The following LRRTM4 variants were observed in gnomAD, a reference collection of about 807,000 sequenced individuals.
LRRTM4 encodes leucine-rich repeat transmembrane neuronal protein 4.
LRRTM4 carries 25 observed loss-of-function variants against 47.6 expected under a neutral mutation model. That is an observed-to-expected ratio of 0.53 (90% confidence interval 0.38 to 0.73). The LOEUF (loss-of-function observed/expected upper bound fraction) is 0.73, where lower values mean the gene tolerates loss of function less well. LRRTM4 is among the 30% of genes least tolerant of loss of function. The pLI is 0.00. For synonymous variants in LRRTM4, 311 were observed against 269.5 expected (o/e 1.15, Z -1.51); for missense variants, 638 against 713.4 (o/e 0.89, Z 1.20).
chr2:76,985,560 G>A (rs775485707), intron 3 of LRRTM4, among the ~76,000 whole-genome samples: 5 of 151,942 alleles, frequency 3.3e-5, no homozygotes, highest in Non-Finnish European at 5.9e-5. Flanking sequence ...CTCCTCCTGA[G>A]ACTAAAGTTG....
chr2:76,882,790 T>G (rs1222572544), intron 3 of LRRTM4, among the ~76,000 whole-genome samples: 2 of 152,000 alleles, frequency 1.3e-5, no homozygotes, highest in Non-Finnish European at 2.9e-5. Context: ...GTCTCCACCA[T>G]CCACCAGGTC....
At chr2:77,454,591 T>A (rs771602867) in intron 3 of LRRTM4, among the ~76,000 whole-genome samples, 2 of 152,172 alleles carry the variant, frequency 1.3e-5, no homozygotes, top group Non-Finnish European at 2.9e-5. Context: ...TGTATATTCT[T>A]GGTGGATACT....
At chr2:77,366,941 C>T (rs1234888882) in intron 3 of LRRTM4, among the ~76,000 whole-genome samples, 2 of 151,816 alleles carry the variant, frequency 1.3e-5, no homozygotes, top group Non-Finnish European at 2.9e-5. Context: ...CGTCTTTCTA[C>T]TCTCCTTCAT....
At chr2:77,472,248 G>A (rs1677218425) in intron 3 of LRRTM4, among the ~76,000 whole-genome samples, 1 of 152,122 alleles carries the variant, frequency 6.6e-6, no homozygotes, top group Admixed American at 6.6e-5. Context: ...TGTGTGTTAG[G>A]TGATCTTCCT....
At chr2:76,931,116 TGAGA>T (rs1674754563) in intron 3 of LRRTM4, among the ~76,000 whole-genome samples, 3 of 151,852 alleles carry the variant, frequency 2.0e-5, no homozygotes, top group Admixed American at 2.0e-4. Context: ...ACAAAAGCAA[TGAGA>T]AAGAAAGAAA....
At chr2:77,217,820 T>C (rs919214223) in intron 3 of LRRTM4, among the ~76,000 whole-genome samples, 6 of 152,296 alleles carry the variant, frequency 3.9e-5, no homozygotes, top group Non-Finnish European at 8.8e-5. Flanking sequence ...ACTGAGAGCA[T>C]GGAACATTCA....
At chr2:77,009,613 A>G (rs1677793770) in intron 3 of LRRTM4, 1 of 152,160 alleles carries the variant, frequency 6.6e-6, no homozygotes, top group African/African-American at 2.4e-5. Context: ...AATAAAGCTA[A>G]GACTGTGGTA....
intron 3 of LRRTM4, among the ~76,000 whole-genome samples, chr2:77,483,906 CAG>C (rs1285157445): frequency 2.7e-4 from 41 of 152,268 alleles, no homozygotes; most frequent in African/African-American, 8.7e-4. Context: ...TATTTTGTAT[CAG>C]AGAGTCTATC....
chr2:76,944,933 G>A (rs1381418757), intron 3 of LRRTM4, among the ~76,000 whole-genome samples: 3 of 152,056 alleles, frequency 2.0e-5, no homozygotes, highest in Non-Finnish European at 2.9e-5. Context: ...GAAGGAAGAT[G>A]ACAGAGCTTC....
At chr2:77,168,765 A>T (rs938350172) in intron 3 of LRRTM4, among the ~76,000 whole-genome samples, 2 of 152,114 alleles carry the variant, frequency 1.3e-5, no homozygotes, top group African/African-American at 2.4e-5. Flanking sequence ...TAAACTTTTC[A>T]GTCCCCACGT....
intron 3 of LRRTM4, among the ~76,000 whole-genome samples, chr2:76,972,873 A>C (rs1363387024): frequency 6.6e-6 from 1 of 152,008 alleles, no homozygotes; most frequent in Non-Finnish European, 1.5e-5. Context: ...GAATTTCACC[A>C]AATGATATAA....
chr2:76,790,711 CACCTCAGTG>C (rs984087611), intron 3 of LRRTM4, among the ~76,000 whole-genome samples: 7 of 151,732 alleles, frequency 4.6e-5, no homozygotes, highest in African/African-American at 1.7e-4. Flanking sequence ...CCCCCCCCAC[CACCTCAGTG>C]AAATTTAACA....
At chr2:76,763,186 C>A (rs1327390755) in intron 3 of LRRTM4, among the ~76,000 whole-genome samples, 1 of 152,150 alleles carries the variant, frequency 6.6e-6, no homozygotes, top group Admixed American at 6.5e-5. Flanking sequence ...GGAAAAAAAA[C>A]AGTGCTCTCA....
rs1196937737 is a variant in LRRTM4, at chr2:76,968,362, A to G, written c.1552-219446T>C. The stretch of plus-strand genomic sequence containing the variant: ...TGTGTATATATATATATATATATAT[A>G]TATATATATATATATATATATACAC... On this transcript the variant is annotated intron_variant, in intron 3 of 3. Transcript: ENST00000409884. Among the ~76,000 whole-genome samples, 21 of 131,516 alleles carry G rather than the reference A, an allele frequency of 1.6e-4. 1 individual carries two copies. The highest frequency in any genetic ancestry group is 1.2e-3 in the Admixed American group (16 of 12,998). The allele number at this position is 131,516 out of a possible 152,430, so 86.3% of individuals were successfully genotyped here.
intron 3 of LRRTM4, among the ~76,000 whole-genome samples, chr2:77,291,837 T>G (rs142071799): frequency 0.14 from 21,182 of 151,904 alleles, 1,907 homozygotes; most frequent in East Asian, 0.43. Context: ...AAGCCAAAAT[T>G]GAAAACTGGG....
At chr2:77,351,171 A>G (rs1036482628) in intron 3 of LRRTM4, among the ~76,000 whole-genome samples, 13 of 152,120 alleles carry the variant, frequency 8.5e-5, no homozygotes, top group African/African-American at 2.9e-4. Flanking sequence ...AACATATAGT[A>G]TTTGGTTTTC....
chr2:77,272,550 TAA>T (rs758453010), intron 3 of LRRTM4, among the ~76,000 whole-genome samples: 2 of 152,164 alleles, frequency 1.3e-5, no homozygotes, highest in Non-Finnish European at 2.9e-5. Context: ...TTTTAAATAT[TAA>T]GTTTTATTTT....
At chr2:76,920,971 T>A (rs555966121) in intron 3 of LRRTM4, among the ~76,000 whole-genome samples, 46 of 152,242 alleles carry the variant, frequency 3.0e-4, no homozygotes, top group African/African-American at 1.1e-3. Context: ...CCCCTCACCC[T>A]GTTTCTCCCA....
rs1433917754 is a variant in LRRTM4 at position 77,377,557 on chromosome 2, G to A, written c.1551+140761C>T. 2.0e-5 allele frequency among the ~76,000 whole-genome samples: 3 copies of A among 151,806 alleles called. No individual in the cohort carries two copies. In the South Asian group the frequency reaches 6.2e-4, roughly 31 times the overall value. On this transcript the variant is annotated intron_variant, in intron 3 of 3. Transcript: ENST00000409884. Reference sequence around the variant, plus strand: ...CAATGTCAACTGTGGCATCTTTTCTGTGTCTCTGACTTTTAATGAATGTTC... The same window carrying A: ...CAATGTCAACTGTGGCATCTTTTCTATGTCTCTGACTTTTAATGAATGTTC...
Sources: gnomAD v4.1 joint callset for allele counts (sites outside exome capture counted in the v4.1 genomes callset) on GRCh38, gnomAD v4.1.1 for gene constraint, MANE v1.5 for transcripts, NCBI Gene and HGNC (gene_info 2026-07-23, HGNC 2026-07-21) for gene names.